KCNB2: variants seen among roughly 807,000 people sequenced by gnomAD.
KCNB2 encodes potassium voltage-gated channel subfamily B member 2, also known as delayed rectifier potassium channel protein.
A neutral mutation model predicts 61.5 loss-of-function variants in KCNB2; 15 were observed. The observed-to-expected ratio is 0.24, with a 90% CI of 0.16 to 0.38. KCNB2 has a LOEUF of 0.38. KCNB2 is among the 10% of genes least tolerant of loss of function. The probability of loss-of-function intolerance (pLI) is 1.00; values close to 1 mark genes in which losing one functional copy is unlikely to be tolerated. For missense variants in KCNB2, 828 were observed against 1,125.2 expected, an observed-to-expected ratio of 0.74 and a Z score of 3.78; for synonymous variants, 457 against 446.0, an observed-to-expected ratio of 1.02 and a Z score of -0.31.
chr8:72,715,528 C>T (rs1399639148), intron 2 of KCNB2, among the ~76,000 whole-genome samples: 22 of 148,976 alleles, frequency 1.5e-4, no homozygotes, highest in African/African-American at 3.2e-4. Context: ...CGCTCAACTA[C>T]ATGGAAACTG....
At chr8:72,632,755 C>T (rs778344531) in intron 2 of KCNB2, among the ~76,000 whole-genome samples, 5 of 152,164 alleles carry the variant, frequency 3.3e-5, no homozygotes, top group South Asian at 2.1e-4. Flanking sequence ...AATATTCCAT[C>T]GACAAAATTA....
chr8:72,656,900 G>A (rs190413495), intron 2 of KCNB2, among the ~76,000 whole-genome samples: 1 of 152,202 alleles, frequency 6.6e-6, no homozygotes, highest in Non-Finnish European at 1.5e-5. Context: ...TACCAGAAAG[G>A]AAGCATTGTG....
chr8:72,768,682 TTTATAGTGTATCTCTCACAC>T, intron 2 of KCNB2, among the ~76,000 whole-genome samples: 1 of 152,124 alleles, frequency 6.6e-6, no homozygotes, highest in East Asian at 1.9e-4. Flanking sequence ...TCCTAAGAAT[TTTATAGTGTATCTCTCACAC>T]TTATTCTATG....
chr8:72,705,524 G>A (rs1807208056), intron 2 of KCNB2, among the ~76,000 whole-genome samples: 1 of 152,204 alleles, frequency 6.6e-6, no homozygotes, highest in Admixed American at 6.5e-5. Flanking sequence ...ACTCTGCCTG[G>A]GCAGAAGTAA....
intron 2 of KCNB2, among the ~76,000 whole-genome samples, chr8:72,690,237 T>A (rs1806918774): frequency 6.6e-6 from 1 of 152,196 alleles, no homozygotes. Flanking sequence ...GTGTGAGACA[T>A]CTTGATTCCT....
At chr8:72,763,161 G>C (rs1281173258) in intron 2 of KCNB2, among the ~76,000 whole-genome samples, 2 of 151,972 alleles carry the variant, frequency 1.3e-5, no homozygotes, top group African/African-American at 4.8e-5. Flanking sequence ...CTTCTCTCTA[G>C]AGTTTTTCTC....
chr8:72,808,062 C>G lies in KCNB2; in HGVS notation c.580-127873C>G, dbSNP rs181216361. ...GCCAACAGTTTCAATGCAAGTTATA[C>G]AAGAACCAAGAATCTTCATGTTGCA... is the stretch of plus-strand genomic sequence containing the variant. On this transcript the variant is annotated intron_variant, in intron 2 of 2. Transcript: ENST00000523207. Among the ~76,000 whole-genome samples, 8 of 152,258 alleles carry G rather than the reference C, an allele frequency of 5.3e-5. No homozygotes were observed. The East Asian group carries it at 1.5e-3, about 29-fold the overall frequency.
At chr8:72,602,293 C>T (rs956317914) in intron 2 of KCNB2, among the ~76,000 whole-genome samples, 1 of 152,028 alleles carries the variant, frequency 6.6e-6, no homozygotes, top group African/African-American at 2.4e-5. Flanking sequence ...GGGGAGGTGG[C>T]CTCAAGTTTG....
intron 2 of KCNB2, among the ~76,000 whole-genome samples, chr8:72,835,244 AAAT>A (rs1272640417): frequency 1.3e-5 from 2 of 152,218 alleles, no homozygotes; most frequent in African/African-American, 4.8e-5. Context: ...TTTCATCTAC[AAAT>A]AATGATTTTT....
intron 2 of KCNB2, among the ~76,000 whole-genome samples, chr8:72,792,541 C>T (rs1808962596): frequency 6.6e-6 from 1 of 152,164 alleles, no homozygotes; most frequent in Non-Finnish European, 1.5e-5. Flanking sequence ...CCGTCAGTGG[C>T]ATTTAAACTG....
At position 72,676,935 on chromosome 8, in the gene KCNB2, C is replaced by G. The variant is rs147140095; in HGVS notation, c.579+108622C>G. Among the ~76,000 whole-genome samples, 53 of 152,236 alleles carry G rather than the reference C, an allele frequency of 3.5e-4. 1 individual carries two copies. Among genetic ancestry groups the G allele is most frequent in the Middle Eastern group, 3.4e-3 (1 of 294 alleles). On this transcript the variant is annotated intron_variant, in intron 2 of 2. Coordinates refer to ENST00000523207, the MANE Select transcript of KCNB2 (RefSeq NM_004770.3). The stretch of plus-strand genomic sequence containing the variant: ...TTTTGTCTGTTCCCCCCACCCCTGC[C>G]AAATTCATCTGTTGAACTCTTAACC...
intron 2 of KCNB2, among the ~76,000 whole-genome samples, chr8:72,703,055 C>G (rs536132393): frequency 1.8e-4 from 27 of 152,286 alleles, no homozygotes; most frequent in African/African-American, 6.3e-4. Flanking sequence ...CTTGCTGGAG[C>G]AACAATTGAG....
chr8:72,775,346 G>A (rs1377113356), intron 2 of KCNB2, among the ~76,000 whole-genome samples: 1 of 152,198 alleles, frequency 6.6e-6, no homozygotes. Flanking sequence ...TGTGCCTGCA[G>A]AGCAAAGCCA....
chr8:72,686,052 A>G lies in KCNB2; in HGVS notation c.579+117739A>G, dbSNP rs182816838. Among the ~76,000 whole-genome samples, 380 of 152,368 alleles carry G rather than the reference A, an allele frequency of 2.5e-3. 3 individuals carry two copies. Among genetic ancestry groups the G allele is most frequent in the African/African-American group, 8.3e-3 (345 of 41,598 alleles). On this transcript the variant is annotated intron_variant, in intron 2 of 2. Coordinates refer to ENST00000523207, the MANE Select transcript of KCNB2 (RefSeq NM_004770.3). The stretch of plus-strand genomic sequence containing the variant: ...GGCACCTGGGCACTTGTATGAAAAC[A>G]TAAGTTCAAGATGCCTGAAGGGCAG...
At chr8:72,933,583 A>G (rs1354457667) in intron 2 of KCNB2, among the ~76,000 whole-genome samples, 1 of 152,224 alleles carries the variant, frequency 6.6e-6, no homozygotes, top group Non-Finnish European at 1.5e-5. Context: ...TGACCTCCCG[A>G]AAAAATATCT....
intron 2 of KCNB2, among the ~76,000 whole-genome samples, chr8:72,810,348 C>T (rs1333944186): frequency 2.6e-5 from 4 of 152,126 alleles, no homozygotes; most frequent in Non-Finnish European, 4.4e-5. Flanking sequence ...CCTGGACTGT[C>T]GCTGATAAAC....
In KCNB2 at chr8:72,609,336, A is replaced by G. The variant is rs144116260; in HGVS notation, c.579+41023A>G. Among the ~76,000 whole-genome samples the G allele has an allele frequency of 3.1e-3, 475 of 152,342 alleles. 4 individuals carry two copies. The highest frequency in any genetic ancestry group is 0.011 in the African/African-American group (459 of 41,588). Reference sequence around the variant, plus strand: ...ACTGACTTAAGAGTAATCCTGAAAAACAAACTCTCTTGAAGCATTTTCAAG... The same window carrying G: ...ACTGACTTAAGAGTAATCCTGAAAAGCAAACTCTCTTGAAGCATTTTCAAG... On this transcript the variant is annotated intron_variant, in intron 2 of 2. Coordinates refer to ENST00000523207, the MANE Select transcript of KCNB2 (RefSeq NM_004770.3).
chr8:72,540,711 C>A (rs1806176039), intron 1 of KCNB2, among the ~76,000 whole-genome samples: 1 of 152,120 alleles, frequency 6.6e-6, no homozygotes, highest in Non-Finnish European at 1.5e-5. Context: ...CAACTCTTTA[C>A]TGCAAGTACG....
chr8:72,931,284 C>A (rs1267827017), intron 2 of KCNB2, among the ~76,000 whole-genome samples: 5 of 152,060 alleles, frequency 3.3e-5, no homozygotes, highest in Non-Finnish European at 5.9e-5. Flanking sequence ...AATGGGGGCT[C>A]TTTTTTGGTT....
Sources: gnomAD v4.1 joint callset for allele counts (sites outside exome capture counted in the v4.1 genomes callset) on GRCh38, gnomAD v4.1.1 for gene constraint, MANE v1.5 for transcripts, NCBI Gene and HGNC (gene_info 2026-07-23, HGNC 2026-07-21) for gene names.